The following MAP7 variants were observed in gnomAD, a reference collection of about 807,000 sequenced individuals.
MAP7 encodes the protein microtubule associated protein 7.
In MAP7, 52 loss-of-function variants were observed where a neutral mutation model predicts 94.8. The observed-to-expected ratio is 0.55, with a 90% CI of 0.44 to 0.69. The LOEUF (loss-of-function observed/expected upper bound fraction) is 0.69. MAP7 is among the 30% of genes least tolerant of loss of function. The pLI, the probability that MAP7 is intolerant of heterozygous loss-of-function variation, is 0.00. For synonymous variants in MAP7, 350 were observed against 357.0 expected (o/e 0.98, Z 0.22); for missense variants, 940 against 964.6 (o/e 0.97, Z 0.34).
chr6:136,372,233 G>A (rs1240947586), intron 8 of MAP7, among the ~76,000 whole-genome samples: 1 of 152,186 alleles, frequency 6.6e-6, no homozygotes. Flanking sequence ...CTCCAGGAGG[G>A]TAGGGCGTCC....
chr6:136,521,875 C>T (rs1583134657), intron 1 of MAP7, among the ~76,000 whole-genome samples: 1 of 152,320 alleles, frequency 6.6e-6, no homozygotes, highest in East Asian at 1.9e-4. Flanking sequence ...ACACACTTAA[C>T]ATTTCTGCCA....
chr6:136,479,224 C>T (rs1470209579), intron 1 of MAP7, among the ~76,000 whole-genome samples: 2 of 152,036 alleles, frequency 1.3e-5, no homozygotes, highest in Admixed American at 6.6e-5. Context: ...ATCGCAAACT[C>T]AACGTGATAC....
rs1283788785 is a variant in MAP7 at position 136,365,800 on chromosome 6, G to C, written c.1208C>G (p.Pro403Arg). The C allele has an allele frequency of 1.2e-6, 2 of 1,614,008 alleles. No individual in the cohort carries two copies. Among genetic ancestry groups the C allele is most frequent in the Non-Finnish European group, 1.7e-6 (2 of 1,180,038 alleles). The change falls in exon 10 of 18, where the codon CCT (proline) becomes CGT (arginine). Residue 403 changes from proline (P) to arginine (R), a missense_variant. Pro to Arg is a moderately radical substitution (Grantham distance 103, BLOSUM62 -2). Coordinates refer to ENST00000354570, the MANE Select transcript of MAP7 (RefSeq NM_003980.6). ...TGTGGCTTCTTCTACCTTCACTAAA[G>C]GTGCTCTGCCCTTTAGTGAGGGCTC... Reference protein sequence around the residue: ...ANEPSLKGRAPLVKVEEATVE... With the variant: ...ANEPSLKGRARLVKVEEATVE...
At chr6:136,547,180 C>T (rs937544580) in intron 1 of MAP7, among the ~76,000 whole-genome samples, 1 of 152,130 alleles carries the variant, frequency 6.6e-6, no homozygotes, top group Admixed American at 6.5e-5. Flanking sequence ...AGGATGGTCA[C>T]GAAAGAGGCC....
chr6:136,448,191 C>CA (rs988674819), intron 1 of MAP7, among the ~76,000 whole-genome samples: 1 of 150,752 alleles, frequency 6.6e-6, no homozygotes, highest in African/African-American at 2.4e-5. Flanking sequence ...GACTCTGTCT[C>CA]AAAAAATAAA....
At chr6:136,539,726 T>TC (rs1456302818) in intron 1 of MAP7, among the ~76,000 whole-genome samples, 1 of 152,040 alleles carries the variant, frequency 6.6e-6, no homozygotes, top group African/African-American at 2.4e-5. Flanking sequence ...TGCCTATAAT[T>TC]CCAGCACTTT....
rs752494483 is a variant in MAP7, at chr6:136,502,642, G to A, written c.67+47700C>T. Among the ~76,000 whole-genome samples the A allele has an allele frequency of 4.3e-4, 66 of 152,148 alleles. 1 individual carries two copies. Among genetic ancestry groups the A allele is most frequent in the Admixed American group, 1.3e-4 (2 of 15,270 alleles). The stretch of plus-strand genomic sequence containing the variant: ...GGGAAATGTCCAAAATTTGGGGAGC[G>A]ATATTTTGTAGGGGCTGATGGGTCC... On this transcript the variant is annotated intron_variant, in intron 1 of 17. Transcript: ENST00000354570.
At chr6:136,502,710 A>G (rs920343794) in intron 1 of MAP7, among the ~76,000 whole-genome samples, 4 of 152,248 alleles carry the variant, frequency 2.6e-5, no homozygotes, top group East Asian at 1.9e-4. Flanking sequence ...GTTTTAAATT[A>G]TAAGTACAAT....
At chr6:136,473,563 TA>T (rs1809800141) in intron 1 of MAP7, among the ~76,000 whole-genome samples, 1 of 152,230 alleles carries the variant, frequency 6.6e-6, no homozygotes, top group Non-Finnish European at 1.5e-5. Flanking sequence ...AGTATGTTTC[TA>T]AAATGCCTTT....
chr6:136,386,757 G>A (rs927900377), intron 5 of MAP7, among the ~76,000 whole-genome samples: 4 of 152,200 alleles, frequency 2.6e-5, no homozygotes, highest in Non-Finnish European at 5.9e-5. Context: ...TTGGTTCACT[G>A]TCATAAGAAA....
chr6:136,451,453 A>G (rs1801091716), intron 1 of MAP7, among the ~76,000 whole-genome samples: 2 of 152,178 alleles, frequency 1.3e-5, no homozygotes, highest in South Asian at 2.1e-4. Flanking sequence ...TCAAAATATT[A>G]CTGTTCATTG....
chr6:136,385,033 T>C (rs1778816656), intron 5 of MAP7, among the ~76,000 whole-genome samples: 2 of 152,196 alleles, frequency 1.3e-5, no homozygotes, highest in South Asian at 4.1e-4. Context: ...TTTGTTTTAT[T>C]TTTCTGTTGT....
At chr6:136,421,201 T>A (rs1791229401) in intron 2 of MAP7, among the ~76,000 whole-genome samples, 1 of 152,254 alleles carries the variant, frequency 6.6e-6, no homozygotes, top group South Asian at 2.1e-4. Flanking sequence ...ATATAATCAT[T>A]GCAAGGAATA....
intron 16 of MAP7, among the ~76,000 whole-genome samples, chr6:136,354,972 C>G (rs1047170778): frequency 6.6e-6 from 1 of 151,976 alleles, no homozygotes; most frequent in Non-Finnish European, 1.5e-5. Context: ...GCCTGTAATC[C>G]CAGCACTTTG....
At chr6:136,458,531 G>A (rs1384107707) in intron 1 of MAP7, among the ~76,000 whole-genome samples, 3 of 152,012 alleles carry the variant, frequency 2.0e-5, no homozygotes, top group Non-Finnish European at 2.9e-5. Context: ...AGATTACAAA[G>A]CTATAGTAAT....
chr6:136,520,304 C>A (rs767736222), intron 1 of MAP7, among the ~76,000 whole-genome samples: 2 of 151,766 alleles, frequency 1.3e-5, no homozygotes, highest in Non-Finnish European at 2.9e-5. Flanking sequence ...TCATAGAGAG[C>A]AATATGATTA....
At chr6:136,416,559 A>C (rs1204110695) in intron 2 of MAP7, among the ~76,000 whole-genome samples, 1 of 152,176 alleles carries the variant, frequency 6.6e-6, no homozygotes, top group East Asian at 1.9e-4. Flanking sequence ...TAATCCCAGC[A>C]CTTTGGGAGG....
At chr6:136,455,598 A>AT (rs1162781236) in intron 1 of MAP7, among the ~76,000 whole-genome samples, 2 of 152,190 alleles carry the variant, frequency 1.3e-5, no homozygotes, top group Non-Finnish European at 2.9e-5. Context: ...GACACCAGGT[A>AT]TTTTTTCTGA....
Position 136,365,769 on chromosome 6 carries a change from T to C in MAP7, c.1239A>G (p.Glu413=), listed in dbSNP as rs1359550755. The C allele has an allele frequency of 6.2e-7, 1 of 1,614,008 alleles. No individual in the cohort carries two copies. The highest frequency in any genetic ancestry group is 1.7e-5 in the Admixed American group (1 of 59,990). The change falls in exon 10 of 18, where the codon GAA becomes GAG. Residue 413 remains glutamate, a synonymous_variant. Transcript: ENST00000354570. The part of the protein sequence containing the change: ...PLVKVEEATV[E]ERTPAEPEVG... ...CTTCTGGTTCAGCAGGTGTCCGCTCTTCAACTGTGGCTTCTTCTACCTTCA... is the reference window on the plus strand; with the variant it reads ...CTTCTGGTTCAGCAGGTGTCCGCTCCTCAACTGTGGCTTCTTCTACCTTCA...
Sources: allele counts gnomAD v4.1 joint callset (sites outside exome capture counted in the v4.1 genomes callset), GRCh38; gene constraint gnomAD v4.1.1; transcripts MANE v1.5; gene names NCBI Gene and HGNC (gene_info 2026-07-23, HGNC 2026-07-21).